Variants in ADCY1 observed in about 807,000 individuals in gnomAD.
The protein encoded by ADCY1 is adenylate cyclase 1.
ADCY1 carries 28 observed loss-of-function variants against 105.4 expected under a neutral mutation model. The observed-to-expected ratio is 0.27, with a 90% CI of 0.20 to 0.36. The LOEUF (loss-of-function observed/expected upper bound fraction) is 0.36. Ranked by LOEUF, ADCY1 falls within the 10% of genes least tolerant of loss-of-function variation. The probability of loss-of-function intolerance (pLI) is 1.00; values close to 1 mark genes in which losing one functional copy is unlikely to be tolerated. For missense variants in ADCY1, 977 were observed against 1,434.2 expected, an observed-to-expected ratio of 0.68 and a Z score of 5.15; for synonymous variants, 655 against 623.8, an observed-to-expected ratio of 1.05 and a Z score of -0.75.
chr7:45,616,468 A>G (rs893225022), intron 3 of ADCY1, among the ~76,000 whole-genome samples: 8 of 152,228 alleles, frequency 5.3e-5, no homozygotes, highest in Non-Finnish European at 4.4e-5. Flanking sequence ...CTCATACACC[A>G]TGATCAATTG....
Position 45,688,189 on chromosome 7 carries a change from T to C in ADCY1, c.2454+1516T>C, listed in dbSNP as rs186631742. On this transcript the variant is annotated intron_variant, in intron 14 of 19. Transcript: ENST00000297323. ...CTCGTCCTGAATTCCAGCAACTCCA[T>C]GTAGGGTCTGCATGACTTCAACCAG... 9.5e-4 allele frequency among the ~76,000 whole-genome samples: 145 copies of C among 152,370 alleles called. 3 individuals are homozygous for C. Among genetic ancestry groups the C allele is most frequent in the Non-Finnish European group, 5.9e-5 (4 of 68,040 alleles).
intron 4 of ADCY1, among the ~76,000 whole-genome samples, chr7:45,629,509 C>CTTTTT (rs34705083): frequency 7.7e-6 from 1 of 129,406 alleles, no homozygotes; most frequent in East Asian, 2.5e-4. Context: ...GTATGCTTAA[C>CTTTTT]TTTTTTTTTT....
chr7:45,641,560 TACCCA>T (rs1268439013), intron 4 of ADCY1, among the ~76,000 whole-genome samples: 2 of 152,172 alleles, frequency 1.3e-5, no homozygotes, highest in African/African-American at 4.8e-5. Context: ...ACCATTATCA[TACCCA>T]ACCAAACTGA....
At chr7:45,643,670 G>A (rs1432260789) in intron 4 of ADCY1, among the ~76,000 whole-genome samples, 1 of 152,092 alleles carries the variant, frequency 6.6e-6, no homozygotes, top group African/African-American at 2.4e-5. Context: ...TAAAATAATT[G>A]CATGGTTCAG....
At chr7:45,586,162 G>A (rs904228788) in intron 1 of ADCY1, among the ~76,000 whole-genome samples, 1 of 152,046 alleles carries the variant, frequency 6.6e-6, no homozygotes, top group Non-Finnish European at 1.5e-5. Context: ...AGCTGACCTC[G>A]CGAGTGTGCA....
chr7:45,648,944 T>C (rs1794742405), intron 5 of ADCY1, 147 bp downstream of exon 5: 2 of 965,864 alleles, frequency 2.1e-6, no homozygotes, highest in Non-Finnish European at 3.0e-6. Flanking sequence ...CAGAGAATGA[T>C]GCCAGCATTA....
intron 19 of ADCY1, among the ~76,000 whole-genome samples, chr7:45,712,049 A>ATATATTAAATATATATTTTATATAT (rs1562736219): frequency 1.9e-4 from 13 of 69,464 alleles, no homozygotes; most frequent in East Asian, 1.1e-3. Flanking sequence ...ATTTTATATA[A>ATATATTAAATATATATTTTATATAT]TATATTAAAT....
In ADCY1 at chr7:45,686,703, G is replaced by A. The variant is rs1186199192; in HGVS notation, c.2454+30G>A. On this transcript the variant is annotated intron_variant, in intron 14 of 19. Coordinates refer to ENST00000297323, the MANE Select transcript of ADCY1 (RefSeq NM_021116.4). This position sits in a 1 kb window ranked among gnomAD's most constrained non-coding sequence, Gnocchi z 4.3. ...GACGAGCCCTTTCTGCTTTCTGGGG[G>A]TGGGGGATTTAGAGGAGGAAGAAGT... 2.5e-6 allele frequency: 4 copies of A among 1,577,286 alleles called. No homozygotes were observed. The highest frequency in any genetic ancestry group is 1.8e-5 in the Admixed American group (1 of 55,610).
At chr7:45,621,805 CTT>C in intron 3 of ADCY1, among the ~76,000 whole-genome samples, 1 of 152,282 alleles carries the variant, frequency 6.6e-6, no homozygotes, top group Admixed American at 6.5e-5. Flanking sequence ...GCCAAGAACA[CTT>C]TGAACAAATG....
At chr7:45,691,703 AT>A (rs1461788517) in intron 14 of ADCY1, among the ~76,000 whole-genome samples, 2 of 152,232 alleles carry the variant, frequency 1.3e-5, no homozygotes, top group African/African-American at 2.4e-5. Flanking sequence ...AAAACAACTT[AT>A]TTCTCTACCA....
chr7:45,589,287 C>CT lies in ADCY1; in HGVS notation c.640-3470dup, dbSNP rs777206224. On this transcript the variant is annotated intron_variant, in intron 1 of 19. Transcript: ENST00000297323. The stretch of plus-strand genomic sequence containing the variant: ...TGGGCAGCATGTGGCTCTGGGCCAC[C>CT]TTGTGGTCAGGGAGTGTGGTGGTGG... 3.3e-5 allele frequency among the ~76,000 whole-genome samples: 5 copies of CT among 152,274 alleles called. No individual in the cohort carries two copies. In the South Asian group the frequency reaches 1.0e-3, roughly 32 times the overall value.
At position 45,592,796 on chromosome 7, in the gene ADCY1, T is replaced by C. The variant is rs777072799; in HGVS notation, c.677T>C (p.Met226Thr). The C allele has an allele frequency of 5.6e-6, 9 of 1,614,186 alleles. No individual in the cohort carries two copies. The highest frequency in any genetic ancestry group is 6.8e-6 in the Non-Finnish European group (8 of 1,180,042). Residue 226 changes from methionine (M) to threonine (T), a missense_variant, in exon 2 of 20, where the codon ATG (methionine) becomes ACG (threonine). Coordinates refer to ENST00000297323, the MANE Select transcript of ADCY1 (RefSeq NM_021116.4). Reference sequence around the variant, plus strand: ...GCCTTGCTCTTCGTCGGTGTGAACATGTATGGGGTCTTTGTGCGGATTCTG... The same window carrying C: ...GCCTTGCTCTTCGTCGGTGTGAACACGTATGGGGTCTTTGTGCGGATTCTG... ...ANALLFVGVN[M>T]YGVFVRILTE...
At position 45,574,765 on chromosome 7, in the gene ADCY1, G is replaced by T; in HGVS notation, c.222G>T (p.Ala74=). The T allele has an allele frequency of 3.4e-6, 5 of 1,450,450 alleles. No homozygotes were observed. Among genetic ancestry groups the T allele is most frequent in the Non-Finnish European group, 4.5e-6 (5 of 1,111,098 alleles). The allele number at this position is 1,450,450 out of a possible 1,614,324, so 89.8% of individuals were successfully genotyped here. The change falls in exon 1 of 20, where the codon GCG becomes GCT. Residue 74 remains alanine (A), a synonymous_variant. Coordinates refer to ENST00000297323, the MANE Select transcript of ADCY1 (RefSeq NM_021116.4). This position sits in a 1 kb window ranked among gnomAD's most constrained non-coding sequence, Gnocchi z 7.0. ...ALAVLSLLAG[A]LALAELLGAP... ...CCGTTCTCAGCCTGCTGGCGGGCGC[G>T]CTGGCGCTGGCCGAGCTGCTGGGCG...
chr7:45,576,064 T>G (rs1792335988), intron 1 of ADCY1, among the ~76,000 whole-genome samples: 1 of 151,930 alleles, frequency 6.6e-6, no homozygotes, highest in Non-Finnish European at 1.5e-5. Flanking sequence ...GGTGGGGAGA[T>G]TTGGAAGACC....
At chr7:45,620,923 G>A (rs1219447448) in intron 3 of ADCY1, among the ~76,000 whole-genome samples, 3 of 151,984 alleles carry the variant, frequency 2.0e-5, no homozygotes, top group African/African-American at 4.8e-5. Context: ...CAGGACCCCC[G>A]TGACCAATCC....
chr7:45,657,428 G>C (rs982244953), intron 5 of ADCY1, among the ~76,000 whole-genome samples: 7 of 152,242 alleles, frequency 4.6e-5, no homozygotes, highest in Admixed American at 2.0e-4. Context: ...GACTGCCCTG[G>C]TCAGGGAGGG....
intron 5 of ADCY1, among the ~76,000 whole-genome samples, chr7:45,653,728 C>T (rs1185968976): frequency 6.6e-6 from 1 of 152,226 alleles, no homozygotes; most frequent in Admixed American, 6.5e-5. Context: ...TGTGCTCACC[C>T]ACCTTCTTCT....
At chr7:45,671,830 C>T (rs377045381) in intron 8 of ADCY1, among the ~76,000 whole-genome samples, 5 of 151,984 alleles carry the variant, frequency 3.3e-5, no homozygotes, top group African/African-American at 1.2e-4. Context: ...ATTCTAGAAA[C>T]GATTCTTTTG....
intron 16 of ADCY1, among the ~76,000 whole-genome samples, chr7:45,704,139 C>T (rs540873870): frequency 1.8e-4 from 27 of 150,762 alleles, no homozygotes; most frequent in African/African-American, 6.4e-4. Context: ...GGCAGGTGGG[C>T]ACCTCCAGGC....
Sources: allele counts gnomAD v4.1 joint callset (sites outside exome capture counted in the v4.1 genomes callset), GRCh38; gene constraint gnomAD v4.1.1; non-coding constraint Gnocchi (gnomAD v3.1); transcripts MANE v1.5; gene names NCBI Gene and HGNC (gene_info 2026-07-23, HGNC 2026-07-21).